PSG11: variants seen among roughly 807,000 people sequenced by gnomAD.
The protein encoded by PSG11 is pregnancy specific beta-1-glycoprotein 11, also known as pregnancy-specific beta-1-glycoprotein 11.
Under a neutral mutation model 36.0 loss-of-function variants are expected in PSG11, and 42 were observed. That is an observed-to-expected ratio of 1.17 (90% CI 0.91 to 1.51). The LOEUF (loss-of-function observed/expected upper bound fraction) is 1.51. Among genes scored for constraint, PSG11 ranks in the 40% most tolerant of loss-of-function variants. The pLI, the probability that PSG11 is intolerant of heterozygous loss-of-function variation, is 0.00. For missense variants in PSG11, 558 were observed against 403.5 expected (o/e 1.38, Z -3.28); for synonymous variants, 206 against 153.5 (o/e 1.34, Z -2.53).
In PSG11 at chr19:43,019,117, C is replaced by A. The variant is rs1190337591; in HGVS notation, c.431-69G>T. 44 of 1,569,046 alleles carry A rather than the reference C, an allele frequency of 2.8e-5. 1 individual carries two copies. Among genetic ancestry groups the A allele is most frequent in the Non-Finnish European group, 3.8e-5 (44 of 1,158,704 alleles). ...GATTCCTCCAAAGGCATTTTTCAAT[C>A]AGAATTGGCATTTGCCACCTCTCAG... On this transcript the variant is annotated intron_variant, in intron 2 of 5. Transcript: ENST00000320078.
At chr19:43,016,703 G>A (rs966178558) in intron 3 of PSG11, among the ~76,000 whole-genome samples, 1 of 151,482 alleles carries the variant, frequency 6.6e-6, no homozygotes, top group Non-Finnish European at 1.5e-5. Context: ...AGAGCAGAGC[G>A]CAAGGAATGA....
chr19:43,015,991 T>C, intron 3 of PSG11: 1 of 1,610,256 alleles, frequency 6.2e-7, no homozygotes, highest in Non-Finnish European at 8.5e-7. Context: ...TAAGACATCC[T>C]TATTCTCCCT....
chr19:43,019,635 G>C lies in PSG11; in HGVS notation c.431-587C>G, dbSNP rs11083682. The C allele has an allele frequency of 3.2e-3, 508 of 156,772 alleles. 12 individuals are homozygous for C. Among genetic ancestry groups the C allele is most frequent in the Admixed American group, 5.1e-3 (86 of 16,892 alleles). 9.7% of individuals were successfully genotyped at this position (156,772 alleles called of 1,614,324 possible). On this transcript the variant is annotated intron_variant, in intron 2 of 5. Coordinates refer to ENST00000320078, the MANE Select transcript of PSG11 (RefSeq NM_002785.3). ...ATCAGGCAGTGCAGCCACAAGGTGGGGCAGTTTTCCCAGGTGTCTCATAGT... is the reference window on the plus strand; with the variant it reads ...ATCAGGCAGTGCAGCCACAAGGTGGCGCAGTTTTCCCAGGTGTCTCATAGT...
At position 43,022,068 on chromosome 19, in the gene PSG11, A is replaced by T. The variant is rs370066881; in HGVS notation, c.430+2623T>A. On this transcript the variant is annotated intron_variant, in intron 2 of 5. Transcript: ENST00000320078. ...ATAATAGTTCCTCCATAAAACTAACACCCTTACTTTGCCCAGGGACTGCCT... is the reference window on the plus strand; with the variant it reads ...ATAATAGTTCCTCCATAAAACTAACTCCCTTACTTTGCCCAGGGACTGCCT... 6.6e-5 allele frequency among the ~76,000 whole-genome samples: 10 copies of T among 151,626 alleles called. 1 individual carries two copies. Among genetic ancestry groups the T allele is most frequent in the East Asian group, 3.9e-4 (2 of 5,152 alleles).
chr19:43,010,276 T>C, intron 4 of PSG11: 1 of 1,465,568 alleles, frequency 6.8e-7, no homozygotes. Flanking sequence ...TCAGGTATTT[T>C]GGAAGGCTTT....
intron 3 of PSG11, among the ~76,000 whole-genome samples, chr19:43,018,154 C>G (rs1471078701): frequency 1.3e-5 from 2 of 151,162 alleles, no homozygotes; most frequent in East Asian, 1.9e-4. Flanking sequence ...TTTGTTCCAC[C>G]AGTGGCTGAG....
Position 43,020,487 on chromosome 19 carries a change from C to T in PSG11, c.431-1439G>A, listed in dbSNP as rs1286740252. ...GATTAGACCTCATGTTGTGTTCTGA[C>T]TCTAGTAACAAAAAAAAAATTTGGA... On this transcript the variant is annotated intron_variant, in intron 2 of 5. Transcript: ENST00000320078. Among the ~76,000 whole-genome samples the T allele has an allele frequency of 2.0e-5, 3 of 150,946 alleles. 1 individual carries two copies. The South Asian group carries it at 6.3e-4, about 32-fold the overall frequency.
chr19:43,020,089 TGGGATCAG>T (rs1263368823), intron 2 of PSG11, among the ~76,000 whole-genome samples: 1 of 151,392 alleles, frequency 6.6e-6, no homozygotes, highest in Admixed American at 6.6e-5. Context: ...TTCCAGGAGC[TGGGATCAG>T]GGGAATTGGG....
chr19:43,012,424 TAATA>T (rs965840181), intron 4 of PSG11, among the ~76,000 whole-genome samples: 1 of 151,460 alleles, frequency 6.6e-6, no homozygotes, highest in Non-Finnish European at 1.5e-5. Flanking sequence ...TTATTAGAAT[TAATA>T]AATAAATTCA....
intron 2 of PSG11, among the ~76,000 whole-genome samples, chr19:43,024,248 T>G (rs969019722): frequency 6.6e-6 from 1 of 151,380 alleles, no homozygotes; most frequent in Admixed American, 6.6e-5. Context: ...AACCCAGCCC[T>G]GGAACAGGCT....
At chr19:43,023,210 T>C (rs1300440768) in intron 2 of PSG11, among the ~76,000 whole-genome samples, 3 of 150,502 alleles carry the variant, frequency 2.0e-5, no homozygotes, top group Admixed American at 6.6e-5. Context: ...TGTCAGCCTC[T>C]GAAGGACAAG....
chr19:43,023,705 C>G (rs984544817), intron 2 of PSG11, among the ~76,000 whole-genome samples: 8 of 151,130 alleles, frequency 5.3e-5, no homozygotes, highest in Non-Finnish European at 1.2e-4. Flanking sequence ...GCAGACAGAC[C>G]TCATGTGACC....
intron 2 of PSG11, chr19:43,024,468 C>A (rs1294112145): frequency 3.1e-6 from 2 of 639,872 alleles, no homozygotes; most frequent in Admixed American, 2.8e-5. Flanking sequence ...TCAGACTGTC[C>A]TTCCTCTGCA....
In PSG11 at chr19:43,010,988, A is replaced by T. The variant is rs1318057592; in HGVS notation, c.965-947T>A. Among the ~76,000 whole-genome samples the T allele has an allele frequency of 2.7e-5, 4 of 150,236 alleles. 1 individual carries two copies. Among genetic ancestry groups the T allele is most frequent in the Admixed American group, 6.7e-5 (1 of 14,996 alleles). On this transcript the variant is annotated intron_variant, in intron 4 of 5. Coordinates refer to ENST00000320078, the MANE Select transcript of PSG11 (RefSeq NM_002785.3). ...GTGCTAAATACTTTACCTGTATCTC[A>T]TTTAATCCACACAATAACCCTGTGA...
chr19:43,020,425 T>G (rs1967075391), intron 2 of PSG11, among the ~76,000 whole-genome samples: 1 of 151,252 alleles, frequency 6.6e-6, no homozygotes, highest in Non-Finnish European at 1.5e-5. Context: ...ATGCTCCATA[T>G]TTAATACTGT....
chr19:43,018,103 G>C (rs1274959781), intron 3 of PSG11, among the ~76,000 whole-genome samples: 3 of 151,166 alleles, frequency 2.0e-5, no homozygotes, highest in African/African-American at 7.3e-5. Flanking sequence ...AATGCTCCAG[G>C]GATCCACTTA....
rs185638294 is a variant in PSG11 at position 43,015,812 on chromosome 19, G to T, written c.710-442C>A. 8.1e-6 allele frequency: 13 copies of T among 1,610,150 alleles called. No homozygotes were observed. In the East Asian group the frequency reaches 1.1e-4, roughly 14 times the overall value. ...GAGTCACTGCGGATGCCACCATATC[G>T]GTCCCGTATTTCACATTGATAGGGT... On this transcript the variant is annotated intron_variant, in intron 3 of 5. Transcript: ENST00000320078.
intron 2 of PSG11, chr19:43,019,755 A>C (rs1431899670): frequency 1.3e-5 from 2 of 152,002 alleles, no homozygotes; most frequent in African/African-American, 4.9e-5. Flanking sequence ...ATAGCTTTGA[A>C]CCAAGACCAT....
chr19:43,009,350 A>G (rs778042792), intron 5 of PSG11, among the ~76,000 whole-genome samples: 2 of 151,382 alleles, frequency 1.3e-5, no homozygotes, highest in Non-Finnish European at 2.9e-5. Flanking sequence ...TAGACATAGC[A>G]TTGGAACTAA....
Sources: gnomAD v4.1 joint callset for allele counts (sites outside exome capture counted in the v4.1 genomes callset) on GRCh38, gnomAD v4.1.1 for gene constraint, MANE v1.5 for transcripts, NCBI Gene and HGNC (gene_info 2026-07-23, HGNC 2026-07-21) for gene names.